The following RGS21 variants were observed in gnomAD, a reference collection of about 807,000 sequenced individuals.
The protein encoded by RGS21 is regulator of G-protein signalling 21.
A neutral mutation model predicts 18.7 loss-of-function variants in RGS21; 19 were observed. The ratio of observed to expected loss-of-function variants is 1.01; its 90% CI spans 0.71 to 1.49. The LOEUF (loss-of-function observed/expected upper bound fraction) is 1.49. Among genes scored for constraint, RGS21 ranks in the 40% most tolerant of loss-of-function variants. The probability of loss-of-function intolerance (pLI) is 0.00; values close to 1 mark genes in which losing one functional copy is unlikely to be tolerated. For missense variants in RGS21, 194 were observed against 176.8 expected (o/e 1.10, Z -0.55); for synonymous variants, 56 against 57.8 (o/e 0.97, Z 0.14).
Position 192,352,227 on chromosome 1 carries a change from T to A in RGS21, c.255+14T>A. The A allele has an allele frequency of 6.3e-7, 1 of 1,581,894 alleles. No homozygotes were observed. The highest frequency in any genetic ancestry group is 2.3e-5 in the East Asian group (1 of 44,150). On this transcript the variant is annotated intron_variant, in intron 4 of 4. Coordinates refer to ENST00000417209, the MANE Select transcript of RGS21 (RefSeq NM_001039152.3). ...GCACCTAAAGAGGTGAGTGAACTAC[T>A]TCAGAACAGTGAAGAGTCATCCTGT...
At chr1:192,323,267 C>T (rs1276762871) in intron 1 of RGS21, among the ~76,000 whole-genome samples, 1 of 152,080 alleles carries the variant, frequency 6.6e-6, no homozygotes, top group Non-Finnish European at 1.5e-5. Flanking sequence ...AAGGAAATTC[C>T]ATTTATTTGC....
intron 1 of RGS21, among the ~76,000 whole-genome samples, chr1:192,341,776 T>C (rs1658865505): frequency 6.6e-6 from 1 of 151,852 alleles, no homozygotes; most frequent in Non-Finnish European, 1.5e-5. Flanking sequence ...TTTTTTTTTT[T>C]TTTTAACCAA....
At chr1:192,322,703 C>T (rs992168439) in intron 1 of RGS21, among the ~76,000 whole-genome samples, 2 of 152,040 alleles carry the variant, frequency 1.3e-5, no homozygotes, top group Non-Finnish European at 2.9e-5. Flanking sequence ...CACCATCTCC[C>T]CAGATTTCAC....
intron 4 of RGS21, among the ~76,000 whole-genome samples, chr1:192,352,434 T>G (rs1366866913): frequency 6.6e-6 from 1 of 152,024 alleles, no homozygotes; most frequent in East Asian, 1.9e-4. Flanking sequence ...ATGACTAATA[T>G]TTCTGTCTCT....
intron 4 of RGS21, among the ~76,000 whole-genome samples, chr1:192,359,224 C>T (rs1008090120): frequency 6.6e-6 from 1 of 152,026 alleles, no homozygotes; most frequent in Non-Finnish European, 1.5e-5. Flanking sequence ...TCCATACAAA[C>T]AATACAAGTA....
At chr1:192,331,545 C>CTCAATAAA (rs1658650846) in intron 1 of RGS21, among the ~76,000 whole-genome samples, 4 of 143,754 alleles carry the variant, frequency 2.8e-5, no homozygotes, top group African/African-American at 1.0e-4. Flanking sequence ...GACTCCGTCT[C>CTCAATAAA]TAAATAAATA....
At chr1:192,323,394 A>AAGG (rs1658521929) in intron 1 of RGS21, among the ~76,000 whole-genome samples, 1 of 152,182 alleles carries the variant, frequency 6.6e-6, no homozygotes, top group Non-Finnish European at 1.5e-5. Context: ...GTGAGCACTT[A>AAGG]CGGCTCTGTT....
intron 1 of RGS21, among the ~76,000 whole-genome samples, chr1:192,339,212 C>G (rs183770780): frequency 9.7e-4 from 141 of 145,166 alleles, no homozygotes; most frequent in African/African-American, 3.4e-3. Flanking sequence ...ACAATCAAAT[C>G]GGCATTTTTT....
chr1:192,349,205 A>G (rs1036574353), intron 3 of RGS21, among the ~76,000 whole-genome samples: 14 of 152,138 alleles, frequency 9.2e-5, no homozygotes, highest in Non-Finnish European at 2.1e-4. Flanking sequence ...CAACAGTACT[A>G]TAGAGGAGAG....
At chr1:192,346,691 T>C (rs1658947933) in intron 2 of RGS21, among the ~76,000 whole-genome samples, 1 of 152,132 alleles carries the variant, frequency 6.6e-6, no homozygotes. Flanking sequence ...TTGACTGCTT[T>C]GGAAAAGATA....
At chr1:192,364,630 C>A (rs1659229284) in intron 4 of RGS21, among the ~76,000 whole-genome samples, 1 of 152,018 alleles carries the variant, frequency 6.6e-6, no homozygotes, top group African/African-American at 2.4e-5. Context: ...ATTTAGTGCA[C>A]CATAAATTGT....
chr1:192,344,904 C>T (rs950906534), intron 2 of RGS21, among the ~76,000 whole-genome samples: 1 of 152,018 alleles, frequency 6.6e-6, no homozygotes, highest in Non-Finnish European at 1.5e-5. Flanking sequence ...TTGATTAATA[C>T]TAGGATATAC....
chr1:192,366,191 C>T lies in RGS21; in HGVS notation c.*67C>T. ...ATATTTTAAATATACAAGCATGATGCATTGTCTTTTGTTTTGTTTTTAGGA... is the reference window on the plus strand; with the variant it reads ...ATATTTTAAATATACAAGCATGATGTATTGTCTTTTGTTTTGTTTTTAGGA... On this transcript the variant is annotated 3_prime_UTR_variant, in exon 5 of 5. Transcript: ENST00000417209. 1.1e-6 allele frequency: 1 copy of T among 930,982 alleles called. No homozygotes were observed. 57.7% of individuals were successfully genotyped at this position (930,982 alleles called of 1,614,324 possible). A position where few individuals can be genotyped will look rare whatever the true frequency, so the allele number is the denominator to read the frequency against.
chr1:192,333,086 G>T (rs1159172764), intron 1 of RGS21, among the ~76,000 whole-genome samples: 1 of 152,038 alleles, frequency 6.6e-6, no homozygotes, highest in Non-Finnish European at 1.5e-5. Flanking sequence ...ATCACGAGCT[G>T]TTAGGGAATT....
chr1:192,336,451 T>C (rs1242397911), intron 1 of RGS21, among the ~76,000 whole-genome samples: 2 of 151,850 alleles, frequency 1.3e-5, no homozygotes, highest in East Asian at 1.9e-4. Context: ...TGAAACCCCA[T>C]CTAAAAAATA....
intron 1 of RGS21, among the ~76,000 whole-genome samples, chr1:192,332,547 G>A (rs962461907): frequency 1.1e-4 from 16 of 152,198 alleles, no homozygotes; most frequent in African/African-American, 3.9e-4. Context: ...AGGACCTGGG[G>A]AAGAGTCATT....
At chr1:192,365,000 G>A (rs751278937) in intron 4 of RGS21, among the ~76,000 whole-genome samples, 3 of 151,990 alleles carry the variant, frequency 2.0e-5, no homozygotes, top group Non-Finnish European at 4.4e-5. Context: ...GCCAGGCATG[G>A]TGGAGCACAC....
At chr1:192,355,111 A>G (rs1177036143) in intron 4 of RGS21, among the ~76,000 whole-genome samples, 1 of 151,692 alleles carries the variant, frequency 6.6e-6, no homozygotes. Flanking sequence ...GAAAAACTAA[A>G]GTTTGGAGCT....
At chr1:192,339,581 T>C (rs12070739) in intron 1 of RGS21, among the ~76,000 whole-genome samples, 1 of 152,046 alleles carries the variant, frequency 6.6e-6, no homozygotes, top group Non-Finnish European at 1.5e-5. Flanking sequence ...CTACCAGATT[T>C]GAAATCTGTT....
Sources: gnomAD v4.1 joint callset for allele counts (sites outside exome capture counted in the v4.1 genomes callset) on GRCh38, gnomAD v4.1.1 for gene constraint, MANE v1.5 for transcripts, NCBI Gene and HGNC (gene_info 2026-07-23, HGNC 2026-07-21) for gene names.